Variants in TEC observed in about 807,000 individuals in gnomAD.
TEC encodes tyrosine-protein kinase Tec.
A neutral mutation model predicts 93.0 loss-of-function variants in TEC; 72 were observed. That is an observed-to-expected ratio of 0.77 (90% confidence interval 0.64 to 0.94). The LOEUF is 0.94. TEC is among the 40% of genes least tolerant of loss of function. The pLI, the probability that TEC is intolerant of heterozygous loss-of-function variation, is 0.00. For missense variants in TEC, 630 were observed against 757.9 expected (o/e 0.83, Z 1.98); for synonymous variants, 249 against 247.7 (o/e 1.01, Z -0.05).
intron 2 of TEC, among the ~76,000 whole-genome samples, chr4:48,205,239 C>A (rs1269389643): frequency 6.6e-6 from 1 of 152,184 alleles, no homozygotes; most frequent in Non-Finnish European, 1.5e-5. Context: ...CAGTGCCTGG[C>A]CTGCATAATA....
At chr4:48,263,208 T>C (rs1372681041) in intron 1 of TEC, among the ~76,000 whole-genome samples, 1 of 152,044 alleles carries the variant, frequency 6.6e-6, no homozygotes, top group African/African-American at 2.4e-5. Flanking sequence ...GAAGTAAGGG[T>C]GCTGCTGCTG....
intron 2 of TEC, among the ~76,000 whole-genome samples, chr4:48,184,932 T>C (rs960493181): frequency 6.6e-6 from 1 of 152,158 alleles, no homozygotes; most frequent in Non-Finnish European, 1.5e-5. Context: ...CTCACGACAA[T>C]TTGTATTTAG....
chr4:48,139,956 G>A (rs769362623), intron 15 of TEC, among the ~76,000 whole-genome samples: 6 of 152,232 alleles, frequency 3.9e-5, no homozygotes, highest in Non-Finnish European at 8.8e-5. Flanking sequence ...TCTGAATTTA[G>A]GGTATAAAGA....
intron 2 of TEC, among the ~76,000 whole-genome samples, chr4:48,201,966 T>A (rs1386908359): frequency 1.4e-5 from 2 of 147,178 alleles, no homozygotes; most frequent in East Asian, 4.0e-4. Flanking sequence ...TTTTTTTTTT[T>A]TTTTTTTTGA....
chr4:48,166,698 C>T (rs1210737737), intron 7 of TEC, among the ~76,000 whole-genome samples: 1 of 147,322 alleles, frequency 6.8e-6, no homozygotes, highest in African/African-American at 2.5e-5. Flanking sequence ...ATTTCTACAA[C>T]AAAAAAAAAT....
chr4:48,198,909 G>C (rs1244277486), intron 2 of TEC, among the ~76,000 whole-genome samples: 1 of 152,224 alleles, frequency 6.6e-6, no homozygotes, highest in Non-Finnish European at 1.5e-5. Context: ...GTACCAAGGA[G>C]ATGATAAAGA....
At chr4:48,171,033 A>G (rs1456675309) in intron 4 of TEC, among the ~76,000 whole-genome samples, 1 of 151,954 alleles carries the variant, frequency 6.6e-6, no homozygotes, top group East Asian at 1.9e-4. Context: ...CCTGGGTGAC[A>G]GAGTGAAACT....
intron 14 of TEC, 162 bp from the exon 15 acceptor site, chr4:48,141,581 C>T: frequency 1.7e-6 from 1 of 573,552 alleles, no homozygotes; most frequent in Non-Finnish European, 2.9e-6. Flanking sequence ...GAAGTATTTC[C>T]ATTGTGTATT....
At position 48,216,237 on chromosome 4, in the gene TEC, G is replaced by A. The variant is rs1457513758; in HGVS notation, c.138+12240C>T. Among the ~76,000 whole-genome samples, 17 of 118,248 alleles carry A rather than the reference G, an allele frequency of 1.4e-4. No individual in the cohort carries two copies. In the Middle Eastern group the frequency reaches 0.018, roughly 124 times the overall value. The allele number at this position is 118,248 out of a possible 152,430, so 77.6% of individuals were successfully genotyped here. On this transcript the variant is annotated intron_variant, in intron 2 of 17. Transcript: ENST00000381501. ...CCAAGTGGCCTTCCCCAATCTCTACGCCCCAGGAAAAAAAAAAAAACAAAA... is the reference window on the plus strand; with the variant it reads ...CCAAGTGGCCTTCCCCAATCTCTACACCCCAGGAAAAAAAAAAAAACAAAA...
intron 2 of TEC, among the ~76,000 whole-genome samples, chr4:48,207,009 C>T (rs971111046): frequency 2.0e-5 from 3 of 151,972 alleles, no homozygotes; most frequent in African/African-American, 7.2e-5. Flanking sequence ...GAACGAGGGG[C>T]AAGGGTTCAA....
intron 1 of TEC, among the ~76,000 whole-genome samples, chr4:48,236,974 A>C (rs930485483): frequency 1.3e-5 from 2 of 152,258 alleles, no homozygotes; most frequent in African/African-American, 4.8e-5. Context: ...GTACATATCA[A>C]AACATCACTA....
At chr4:48,239,132 G>GA (rs888085939) in intron 1 of TEC, among the ~76,000 whole-genome samples, 13 of 149,404 alleles carry the variant, frequency 8.7e-5, no homozygotes, top group African/African-American at 2.9e-4. Flanking sequence ...TAATGCTTTT[G>GA]AAAAAAAAAG....
At chr4:48,228,016 A>T (rs1222125156) in intron 2 of TEC, among the ~76,000 whole-genome samples, 32 of 152,286 alleles carry the variant, frequency 2.1e-4, no homozygotes, top group Admixed American at 1.7e-3. Context: ...GTTTATCATT[A>T]AAAAAATGAA....
intron 8 of TEC, among the ~76,000 whole-genome samples, chr4:48,161,617 T>A (rs1026515882): frequency 5.4e-5 from 6 of 110,410 alleles, no homozygotes; most frequent in African/African-American, 1.8e-4. Context: ...TTTTTTTTTT[T>A]AATACTTGAG....
chr4:48,236,079 C>T (rs1403979341), intron 1 of TEC, among the ~76,000 whole-genome samples: 1 of 152,120 alleles, frequency 6.6e-6, no homozygotes, highest in Non-Finnish European at 1.5e-5. Flanking sequence ...GATTCAATCT[C>T]CAGATTTCAA....
Position 48,174,331 on chromosome 4 carries a change from C to T in TEC, c.243+1751G>A, listed in dbSNP as rs566229664. 6.6e-5 allele frequency among the ~76,000 whole-genome samples: 10 copies of T among 152,246 alleles called. No homozygotes were observed. The South Asian group carries it at 2.1e-3, about 32-fold the overall frequency. ...TCATGACAGCCACAGCTCCCCAATG[C>T]TGTCAATCCCTAGCATGTCTAATAG... is the stretch of plus-strand genomic sequence containing the variant. On this transcript the variant is annotated intron_variant, in intron 3 of 17. Coordinates refer to ENST00000381501, the MANE Select transcript of TEC (RefSeq NM_003215.3).
chr4:48,232,727 A>T (rs1364850233), intron 1 of TEC, among the ~76,000 whole-genome samples: 1 of 152,238 alleles, frequency 6.6e-6, no homozygotes, highest in Non-Finnish European at 1.5e-5. Context: ...GTTGTTAAGG[A>T]ACTGACTCTC....
At position 48,183,790 on chromosome 4, in the gene TEC, A is replaced by G. The variant is rs1234550720; in HGVS notation, c.139-7604T>C. Among the ~76,000 whole-genome samples the G allele has an allele frequency of 2.0e-5, 3 of 152,180 alleles. 1 individual carries two copies. The highest frequency in any genetic ancestry group is 7.2e-5 in the African/African-American group (3 of 41,422). ...ATAATAAATCTCCTCATATACATCT[A>G]TATGTATCCTATTGGTTCTGTTTCT... is the stretch of plus-strand genomic sequence containing the variant. On this transcript the variant is annotated intron_variant, in intron 2 of 17. Transcript: ENST00000381501.
At chr4:48,231,964 A>G (rs1213919242) in intron 1 of TEC, among the ~76,000 whole-genome samples, 6 of 152,084 alleles carry the variant, frequency 3.9e-5, no homozygotes, top group Non-Finnish European at 7.4e-5. Flanking sequence ...GGCAGAAAAA[A>G]CATTCATGTT....
Sources: allele counts gnomAD v4.1 joint callset (sites outside exome capture counted in the v4.1 genomes callset), GRCh38; gene constraint gnomAD v4.1.1; transcripts MANE v1.5; gene names NCBI Gene and HGNC (gene_info 2026-07-23, HGNC 2026-07-21).